Variants in PTPRT observed in about 807,000 individuals in gnomAD.
PTPRT encodes receptor-type tyrosine-protein phosphatase T.
In PTPRT, 56 loss-of-function variants were observed where a neutral mutation model predicts 176.8. The observed-to-expected ratio is 0.32, with a 90% CI of 0.26 to 0.40. The LOEUF (loss-of-function observed/expected upper bound fraction) is 0.40. PTPRT is among the 10% of genes least tolerant of loss of function. The pLI, the probability that PTPRT is intolerant of heterozygous loss-of-function variation, is 1.00. For missense variants in PTPRT, 1,540 were observed against 1,908.2 expected (o/e 0.81, Z 3.60); for synonymous variants, 783 against 739.0 (o/e 1.06, Z -0.96).
chr20:42,521,504 T>C lies in PTPRT; in HGVS notation c.1154-48942A>G, dbSNP rs1165689318. ...TTTTCCAATATTCCTGCATCTTTAA[T>C]AGGTGTGCTGAATTTATGTTGTCAG... On this transcript the variant is annotated intron_variant, in intron 7 of 30. Coordinates refer to ENST00000373187, the MANE Select transcript of PTPRT (RefSeq NM_007050.6). 2.0e-5 allele frequency among the ~76,000 whole-genome samples: 3 copies of C among 152,196 alleles called. No homozygotes were observed. In the East Asian group the frequency reaches 5.8e-4, roughly 29 times the overall value.
chr20:43,051,213 T>C (rs1454588243), intron 1 of PTPRT, among the ~76,000 whole-genome samples: 1 of 152,200 alleles, frequency 6.6e-6, no homozygotes, highest in Non-Finnish European at 1.5e-5. Context: ...TTCCTACATA[T>C]ATGTGCCAAT....
At position 42,104,650 on chromosome 20, in the gene PTPRT, C is replaced by G. The variant is rs776148747; in HGVS notation, c.3459G>C (p.Val1153=). ...ACLCGNTAIP[V]CEFRSLYYNI... is the part of the protein sequence containing the mutation. Reference sequence around the variant, plus strand: ...TGTAGTAGAGAGAACGGAACTCACACACAGGGATGGCAGTGTTGCCACAGA... The same window carrying G: ...TGTAGTAGAGAGAACGGAACTCACAGACAGGGATGGCAGTGTTGCCACAGA... Residue 1153 remains valine (V), a synonymous_variant, in exon 25 of 31, where the codon GTG becomes GTC. Transcript: ENST00000373187. 2 of 1,600,532 alleles carry G rather than the reference C, an allele frequency of 1.2e-6. No homozygotes were observed. The highest frequency in any genetic ancestry group is 1.7e-6 in the Non-Finnish European group (2 of 1,167,742).
chr20:42,766,563 G>A (rs2076985822), intron 5 of PTPRT, among the ~76,000 whole-genome samples: 1 of 152,114 alleles, frequency 6.6e-6, no homozygotes, highest in Non-Finnish European at 1.5e-5. Flanking sequence ...CAAAACAGGG[G>A]CATTGGCTGG....
intron 7 of PTPRT, among the ~76,000 whole-genome samples, chr20:42,553,912 A>C (rs2072814026): frequency 6.6e-6 from 1 of 152,152 alleles, no homozygotes; most frequent in African/African-American, 2.4e-5. Flanking sequence ...GGGTCTGAGC[A>C]ACCGTTTGGT....
chr20:42,654,226 C>T (rs1456304615), intron 7 of PTPRT, among the ~76,000 whole-genome samples: 1 of 152,100 alleles, frequency 6.6e-6, no homozygotes, highest in Non-Finnish European at 1.5e-5. Context: ...GCAGCAAGGA[C>T]ATGAAGTTGG....
intron 1 of PTPRT, among the ~76,000 whole-genome samples, chr20:42,922,232 C>T (rs1979193767): frequency 6.6e-6 from 1 of 152,162 alleles, no homozygotes; most frequent in South Asian, 2.1e-4. Flanking sequence ...CCGCGCCTGG[C>T]CCTCCACCTA....
chr20:42,872,458 A>C (rs558211038), intron 2 of PTPRT, among the ~76,000 whole-genome samples: 11 of 152,332 alleles, frequency 7.2e-5, no homozygotes, highest in African/African-American at 2.6e-4. Context: ...CTGGGCTCTC[A>C]GGGATAGATT....
chr20:42,682,336 T>C (rs1474432912), intron 6 of PTPRT, among the ~76,000 whole-genome samples: 1 of 152,182 alleles, frequency 6.6e-6, no homozygotes, highest in East Asian at 1.9e-4. Flanking sequence ...ATGCCACTAA[T>C]TACCTGAAAG....
chr20:43,172,927 C>T (rs903053860), intron 1 of PTPRT, among the ~76,000 whole-genome samples: 6 of 142,474 alleles, frequency 4.2e-5, no homozygotes, highest in African/African-American at 1.6e-4. Flanking sequence ...GGCTGGAGTG[C>T]AATGGCACAA....
Position 42,332,642 on chromosome 20 carries a change from A to ATT in PTPRT, c.1866-16648_1866-16647dup, listed in dbSNP as rs879417932. Among the ~76,000 whole-genome samples, 629 of 147,360 alleles carry ATT rather than the reference A, an allele frequency of 4.3e-3. 3 individuals are homozygous for ATT. The highest frequency in any genetic ancestry group is 0.014 in the African/African-American group (584 of 40,522). On this transcript the variant is annotated intron_variant, in intron 11 of 30. Coordinates refer to ENST00000373187, the MANE Select transcript of PTPRT (RefSeq NM_007050.6). ...ATTCAGATTTGTATATGTGGAAAACATTTTTTTTTTTTGAGAATAAACGAA... is the reference window on the plus strand; with the variant it reads ...ATTCAGATTTGTATATGTGGAAAACATTTTTTTTTTTTTTGAGAATAAACGAA...
At chr20:42,849,553 A>G (rs1282764799) in intron 2 of PTPRT, among the ~76,000 whole-genome samples, 1 of 152,144 alleles carries the variant, frequency 6.6e-6, no homozygotes, top group Non-Finnish European at 1.5e-5. Flanking sequence ...AAACCCATAG[A>G]GGTTCATTCT....
intron 11 of PTPRT, among the ~76,000 whole-genome samples, chr20:42,337,619 A>G (rs569306194): frequency 1.4e-4 from 21 of 152,278 alleles, no homozygotes; most frequent in Middle Eastern, 3.4e-3. Context: ...ACACATGAGC[A>G]TCTCCTGGAG....
intron 7 of PTPRT, among the ~76,000 whole-genome samples, chr20:42,504,358 A>G (rs1450404240): frequency 6.6e-6 from 1 of 152,170 alleles, no homozygotes; most frequent in African/African-American, 2.4e-5. Context: ...TCTCACTGAC[A>G]GATTTGCAAT....
chr20:43,103,818 CA>C (rs1184075302), intron 1 of PTPRT, among the ~76,000 whole-genome samples: 1 of 150,844 alleles, frequency 6.6e-6, no homozygotes, highest in African/African-American at 2.4e-5. Context: ...AAAAAAATCT[CA>C]AAAAAACACT....
chr20:43,020,059 T>G (rs1600652685), intron 1 of PTPRT, among the ~76,000 whole-genome samples: 2 of 150,368 alleles, frequency 1.3e-5, no homozygotes, highest in African/African-American at 4.9e-5. Flanking sequence ...TCCCCTCTCC[T>G]CTCCCTCTCT....
At chr20:43,083,345 T>TACATAC (rs1555828966) in intron 1 of PTPRT, among the ~76,000 whole-genome samples, 1 of 117,376 alleles carries the variant, frequency 8.5e-6, no homozygotes, top group African/African-American at 3.1e-5. Flanking sequence ...TATATATATA[T>TACATAC]ATATATATAT....
At chr20:42,437,927 G>C (rs1451761487) in intron 9 of PTPRT, among the ~76,000 whole-genome samples, 2 of 152,208 alleles carry the variant, frequency 1.3e-5, no homozygotes, top group Non-Finnish European at 2.9e-5. Flanking sequence ...AGCCTAGGCG[G>C]AATTCCAACA....
At chr20:42,793,041 G>A (rs1490606693) in intron 2 of PTPRT, among the ~76,000 whole-genome samples, 3 of 151,770 alleles carry the variant, frequency 2.0e-5, no homozygotes, top group African/African-American at 7.3e-5. Context: ...CTCCAACTGT[G>A]CCCAGATCCC....
intron 1 of PTPRT, among the ~76,000 whole-genome samples, chr20:42,954,170 C>T (rs1981465828): frequency 6.6e-6 from 1 of 152,136 alleles, no homozygotes; most frequent in African/African-American, 2.4e-5. Flanking sequence ...GAGACTAACT[C>T]AGTAGATCCA....
Sources: allele counts gnomAD v4.1 joint callset (sites outside exome capture counted in the v4.1 genomes callset), GRCh38; gene constraint gnomAD v4.1.1; transcripts MANE v1.5; gene names NCBI Gene and HGNC (gene_info 2026-07-23, HGNC 2026-07-21).